The following IL4I1 variants were observed in gnomAD, a reference collection of about 807,000 sequenced individuals.
IL4I1 encodes interleukin 4 induced 1.
IL4I1 carries 24 observed loss-of-function variants against 29.7 expected under a neutral mutation model. The ratio of observed to expected loss-of-function variants is 0.81; its 90% CI spans 0.59 to 1.14. The LOEUF is 1.14. Ranked by LOEUF, IL4I1 falls within the 50% of genes most tolerant of loss-of-function variation. The pLI, the probability that IL4I1 is intolerant of heterozygous loss-of-function variation, is 0.00. For missense variants in IL4I1, 686 were observed against 785.6 expected, an observed-to-expected ratio of 0.87 and a Z score of 1.52; for synonymous variants, 371 against 352.5, an observed-to-expected ratio of 1.05 and a Z score of -0.59.
intron 2 of IL4I1, chr19:49,913,181 C>CA (rs2075522382): frequency 6.6e-6 from 1 of 152,422 alleles, no homozygotes; most frequent in African/African-American, 2.4e-5. Flanking sequence ...CAGGGAGGCC[C>CA]ACACAGCAGA....
chr19:49,900,503 G>A (rs781138331), upstream of IL4I1, among the ~76,000 whole-genome samples: 3 of 152,038 alleles, frequency 2.0e-5, no homozygotes, highest in Non-Finnish European at 4.4e-5. Flanking sequence ...GGACAGGCTG[G>A]TCTTGAAGTC....
At chr19:49,907,391 C>A (rs1381318322) in intron 2 of IL4I1, 1 of 372,794 alleles carries the variant, frequency 2.7e-6, no homozygotes. Context: ...TGTGTGCAGG[C>A]CCCTCAGCTG....
intron 5 of IL4I1, among the ~76,000 whole-genome samples, chr19:49,892,276 T>C (rs1380482000): frequency 1.3e-5 from 2 of 151,926 alleles, no homozygotes; most frequent in Admixed American, 6.6e-5. Context: ...GAGACAGGGT[T>C]TCATCATGTT....
At chr19:49,926,891 T>C (rs2075906850) in intron 2 of IL4I1, among the ~76,000 whole-genome samples, 1 of 150,156 alleles carries the variant, frequency 6.7e-6, no homozygotes, top group Non-Finnish European at 1.5e-5. Flanking sequence ...GGTCTCACTC[T>C]GTCACCCAGG....
intron 2 of IL4I1, chr19:49,908,293 C>T: frequency 1.2e-6 from 2 of 1,614,064 alleles, no homozygotes; most frequent in Non-Finnish European, 1.7e-6. Flanking sequence ...GGCCCTCGCA[C>T]ACCTTGGTCA....
Position 49,890,532 on chromosome 19 carries a change from A to G in IL4I1, c.842T>C (p.Val281Ala), listed in dbSNP as rs902813697. 1 of 1,604,878 alleles carries G rather than the reference A, an allele frequency of 6.2e-7. No individual in the cohort carries two copies. The highest frequency in any genetic ancestry group is 8.5e-7 in the Non-Finnish European group (1 of 1,177,184). ...CGCCACCACGGGCGCGTTCAACAGC[A>G]CAAGCCCGGACAGCGAGCTCAGCAG... ...RALLSSLSGL[V>A]LLNAPVVAMT... Residue 281 changes from valine to alanine, a missense_variant, in exon 8 of 8, where the codon GTG becomes GCG. Val to Ala is a moderately conservative substitution (Grantham distance 64). Coordinates refer to ENST00000391826, the MANE Select transcript of IL4I1 (RefSeq NM_152899.2).
At chr19:49,918,235 T>C (rs2075675114) in intron 2 of IL4I1, among the ~76,000 whole-genome samples, 2 of 152,076 alleles carry the variant, frequency 1.3e-5, no homozygotes, top group Admixed American at 1.3e-4. Context: ...CCAGCTAATA[T>C]TCGATTTTTT....
rs985347660 is a variant in IL4I1, at chr19:49,906,565, C to T, written c.-227-2244G>A. 2.0e-5 allele frequency among the ~76,000 whole-genome samples: 3 copies of T among 152,208 alleles called. No homozygotes were observed. In the East Asian group the frequency reaches 5.8e-4, roughly 29 times the overall value. ...GTCACAAAACACCTGGAGCCCACTC[C>T]CCGTGGCGGCTTCACTCGTGTGTTC... On this transcript the variant is annotated intron_variant, in intron 2 of 9. Transcript: ENST00000341114.
intron 1 of IL4I1, chr19:49,929,192 C>G (rs1432631916): frequency 6.5e-6 from 1 of 152,822 alleles, no homozygotes; most frequent in East Asian, 1.9e-4. Flanking sequence ...TCCCCAGTCC[C>G]CGGGGCCGCC....
chr19:49,910,446 A>ACTC (rs1369586701), intron 2 of IL4I1, among the ~76,000 whole-genome samples: 10 of 151,744 alleles, frequency 6.6e-5, no homozygotes, highest in Non-Finnish European at 1.3e-4. Context: ...GGACACTGGA[A>ACTC]CTCCTCCTCC....
chr19:49,907,931 C>T (rs948372084), intron 2 of IL4I1: 7 of 497,974 alleles, frequency 1.4e-5, no homozygotes, highest in Non-Finnish European at 2.5e-5. Flanking sequence ...GGACCAAGAC[C>T]ATCAGCACTT....
chr19:49,905,099 C>T (rs1337382627), intron 2 of IL4I1, among the ~76,000 whole-genome samples: 1 of 152,034 alleles, frequency 6.6e-6, no homozygotes, highest in South Asian at 2.1e-4. Flanking sequence ...CCACCCGCCT[C>T]GGCCTCCCAA....
chr19:49,905,902 C>A (rs568214369), intron 2 of IL4I1, among the ~76,000 whole-genome samples: 1 of 152,088 alleles, frequency 6.6e-6, no homozygotes, highest in African/African-American at 2.4e-5. Flanking sequence ...CGCACCTGGC[C>A]GGTCCAAGGA....
chr19:49,925,659 C>T (rs950133748), intron 2 of IL4I1, among the ~76,000 whole-genome samples: 1 of 152,146 alleles, frequency 6.6e-6, no homozygotes, highest in African/African-American at 2.4e-5. Flanking sequence ...AACGTGGCAT[C>T]CTGAAGGCAT....
At chr19:49,904,868 C>A (rs1490605702) in intron 2 of IL4I1, among the ~76,000 whole-genome samples, 17 of 152,148 alleles carry the variant, frequency 1.1e-4, no homozygotes, top group Admixed American at 1.0e-3. Flanking sequence ...TGCCACCACA[C>A]CCGGCTAATT....
chr19:49,912,121 A>C (rs189258137), intron 2 of IL4I1, among the ~76,000 whole-genome samples: 7 of 152,094 alleles, frequency 4.6e-5, no homozygotes, highest in Admixed American at 3.3e-4. Context: ...AAAAACTACA[A>C]GGAAAACAAT....
chr19:49,897,455 C>G (rs954012928), upstream of IL4I1, among the ~76,000 whole-genome samples: 11 of 140,536 alleles, frequency 7.8e-5, no homozygotes, highest in Non-Finnish European at 6.1e-5. Flanking sequence ...CTCTGTGGCT[C>G]TCGTCTACAG....
At chr19:49,890,881 G>A (rs1015115767) in intron 7 of IL4I1, 90 bp downstream of exon 7, 1 of 1,112,734 alleles carries the variant, frequency 9.0e-7, no homozygotes, top group Non-Finnish European at 1.2e-6. Context: ...CAACAGCCCC[G>A]CCCCCAGACC....
At position 49,890,052 on chromosome 19, in the gene IL4I1, A is replaced by C. The variant is rs1419779686; in HGVS notation, c.1322T>G (p.Val441Gly). ...GTGCTGGTCCTCCGCCCAACGCTTGACGACGCCGGTGCCGTCCCAGAGCTG... is the reference window on the plus strand; with the variant it reads ...GTGCTGGTCCTCCGCCCAACGCTTGCCGACGCCGGTGCCGTCCCAGAGCTG... ...VRQLWDGTGV[V>G]KRWAEDQHSQ... Residue 441 changes from valine to glycine, a missense_variant, in exon 8 of 8, where the codon GTC becomes GGC. Transcript: ENST00000391826. 7.7e-6 allele frequency: 12 copies of C among 1,550,464 alleles called. 1 individual carries two copies. In the South Asian group the frequency reaches 1.4e-4, roughly 18 times the overall value.
Sources: gnomAD v4.1 joint callset for allele counts (sites outside exome capture counted in the v4.1 genomes callset) on GRCh38, gnomAD v4.1.1 for gene constraint, MANE v1.5 for transcripts, NCBI Gene and HGNC (gene_info 2026-07-23, HGNC 2026-07-21) for gene names.